PDS5A: variants seen among roughly 807,000 people sequenced by gnomAD.
PDS5A encodes the protein PDS5 cohesin associated factor A.
A neutral mutation model predicts 167.1 loss-of-function variants in PDS5A; 42 were observed. The ratio of observed to expected loss-of-function variants is 0.25; its 90% confidence interval spans 0.20 to 0.33. The LOEUF is 0.33. Among genes scored for constraint, PDS5A ranks in the 10% least tolerant of loss-of-function variants. The pLI is 1.00. For missense variants in PDS5A, 1,033 were observed against 1,605.9 expected (o/e 0.64, Z 6.10); for synonymous variants, 553 against 554.6 (o/e 1.00, Z 0.04).
At chr4:39,906,371 C>CAA (rs1264103030) in intron 11 of PDS5A, among the ~76,000 whole-genome samples, 1 of 133,926 alleles carries the variant, frequency 7.5e-6, no homozygotes. Context: ...CTGTCTCAAA[C>CAA]AAAAAAAAAA....
chr4:39,928,006 A>G lies in PDS5A; in HGVS notation c.297T>C (p.Arg99=), dbSNP rs765380803. The change falls in exon 3 of 33, where the codon CGT becomes CGC. Residue 99 remains arginine (R), a synonymous_variant. Transcript: ENST00000303538. ...LVACCLADIF[R]IYAPEAPYTS... ...TATATGGAGCTTCTGGGGCATAGAT[A>G]CGAAAGATATCAGCCAAACAACATG... 2.0e-5 allele frequency: 33 copies of G among 1,613,814 alleles called. No individual in the cohort carries two copies. The highest frequency in any genetic ancestry group is 1.2e-4 in the South Asian group (11 of 91,090).
chr4:39,851,206 G>C (rs1407277900), intron 26 of PDS5A, among the ~76,000 whole-genome samples: 1 of 151,850 alleles, frequency 6.6e-6, no homozygotes, highest in African/African-American at 2.4e-5. Flanking sequence ...CTATCTACTA[G>C]GCATTAGGCT....
Position 39,926,758 on chromosome 4 carries a change from A to G in PDS5A, c.429+17T>C. On this transcript the variant is annotated intron_variant, in intron 4 of 32. Transcript: ENST00000303538. Reference sequence around the variant, plus strand: ...GTGAAATAATGTTAATAGTTATTAAAGTTTTTTTTTTTTTACCTCTAATAA... The same window carrying G: ...GTGAAATAATGTTAATAGTTATTAAGGTTTTTTTTTTTTTACCTCTAATAA... 2 of 1,230,948 alleles carry G rather than the reference A, an allele frequency of 1.6e-6. No individual in the cohort carries two copies. The highest frequency in any genetic ancestry group is 2.2e-4 in the Middle Eastern group (1 of 4,586). The allele number at this position is 1,230,948 out of a possible 1,614,324, so 76.3% of individuals were successfully genotyped here.
chr4:39,857,276 C>A (rs906996570), intron 26 of PDS5A, among the ~76,000 whole-genome samples: 1 of 149,958 alleles, frequency 6.7e-6, no homozygotes, highest in Non-Finnish European at 1.5e-5. Context: ...GGCGTGAACC[C>A]GGGAGGCGGA....
rs753167965 is a variant in PDS5A at position 39,849,532 on chromosome 4, G to A, written c.3207C>T (p.Ser1069=). 3 of 1,606,638 alleles carry A rather than the reference G, an allele frequency of 1.9e-6. No homozygotes were observed. Among genetic ancestry groups the A allele is most frequent in the Non-Finnish European group, 1.7e-6 (2 of 1,175,900 alleles). ...ACACTCATCTTACTTCATTTGTCTT[G>A]GATTCATCTGGAGACTGGGCATCTC... ...LTRDAQSPDE[S]KTNEKLYTVC... Residue 1069 remains serine, a synonymous_variant, in exon 27 of 33, where the codon TCC becomes TCT. Transcript: ENST00000303538.
chr4:39,847,907 T>C (rs986974474), intron 28 of PDS5A: 3 of 152,244 alleles, frequency 2.0e-5, no homozygotes, highest in Non-Finnish European at 2.9e-5. Context: ...CAGCAGGCAG[T>C]GAGTGGCTGG....
At chr4:39,958,673 G>A (rs1027806974) in intron 2 of PDS5A, among the ~76,000 whole-genome samples, 1 of 150,616 alleles carries the variant, frequency 6.6e-6, no homozygotes, top group African/African-American at 2.4e-5. Flanking sequence ...GGAGTGCAGT[G>A]GCACAATCTC....
chr4:39,866,722 C>A, intron 23 of PDS5A, 139 bp downstream of exon 23: 1 of 674,984 alleles, frequency 1.5e-6, no homozygotes, highest in Non-Finnish European at 2.4e-6. Flanking sequence ...GACAGACAAA[C>A]CCTAAATGAG....
chr4:39,971,244 C>T (rs940343920), intron 2 of PDS5A, among the ~76,000 whole-genome samples: 1 of 152,038 alleles, frequency 6.6e-6, no homozygotes, highest in Non-Finnish European at 1.5e-5. Flanking sequence ...CTGCAAGCTC[C>T]GCCTCCTGGG....
At chr4:39,898,326 T>C (rs2109643755) in intron 16 of PDS5A, 63 bp downstream of exon 16, 1 of 1,466,606 alleles carries the variant, frequency 6.8e-7, no homozygotes, top group South Asian at 1.5e-5. Flanking sequence ...AAAACAGGCT[T>C]TAATAAAATA....
chr4:39,887,259 G>C lies in PDS5A; in HGVS notation c.1886+2990C>G, dbSNP rs142046772. Among the ~76,000 whole-genome samples, 5 of 152,142 alleles carry C rather than the reference G, an allele frequency of 3.3e-5. No homozygotes were observed. The East Asian group carries it at 9.7e-4, about 29-fold the overall frequency. ...GTTCAGTGTGGGTGTGTCACATATG[G>C]CCTTTATTATTTTGAGGTATGTTCC... is the stretch of plus-strand genomic sequence containing the variant. On this transcript the variant is annotated intron_variant, in intron 17 of 32. Transcript: ENST00000303538.
Position 39,868,118 on chromosome 4 carries a change from C to T in PDS5A, c.2506-1121G>A, listed in dbSNP as rs138668858. On this transcript the variant is annotated intron_variant, in intron 22 of 32. Coordinates refer to ENST00000303538, the MANE Select transcript of PDS5A (RefSeq NM_001100399.2). ...AAGATGATACAATCTTATTTTAAAT[C>T]CCAAATCTGCCACTTTTCAACTGAG... Among the ~76,000 whole-genome samples the T allele has an allele frequency of 4.6e-3, 702 of 152,220 alleles. 3 individuals are homozygous for T. Among genetic ancestry groups the T allele is most frequent in the Middle Eastern group, 6.8e-3 (2 of 292 alleles).
chr4:39,929,754 A>T lies in PDS5A; in HGVS notation c.139-1590T>A, dbSNP rs560449558. 1.6e-3 allele frequency among the ~76,000 whole-genome samples: 232 copies of T among 147,196 alleles called. 2 individuals are homozygous for T. Among genetic ancestry groups the T allele is most frequent in the African/African-American group, 4.4e-3 (174 of 39,754 alleles). ...ATGAGTGTAAAATTTTATTATTATT[A>T]TTTTTTTTTGAGAAAGGGACTTGCT... On this transcript the variant is annotated intron_variant, in intron 2 of 32. Transcript: ENST00000303538.
chr4:39,874,887 A>G (rs1364045840), intron 19 of PDS5A, among the ~76,000 whole-genome samples: 1 of 152,210 alleles, frequency 6.6e-6, no homozygotes, highest in African/African-American at 2.4e-5. Flanking sequence ...CTACATATAT[A>G]TCAGTAGAAT....
chr4:39,934,537 G>A (rs1001545420), intron 2 of PDS5A, among the ~76,000 whole-genome samples: 1 of 150,546 alleles, frequency 6.6e-6, no homozygotes, highest in Non-Finnish European at 1.5e-5. Context: ...GTAAGTCTGT[G>A]TGAATTTTTT....
chr4:39,963,221 C>A (rs543132616), intron 2 of PDS5A, among the ~76,000 whole-genome samples: 1 of 151,346 alleles, frequency 6.6e-6, no homozygotes, highest in East Asian at 2.0e-4. Flanking sequence ...TTTGGGAGGC[C>A]GAGGCAGTTG....
At chr4:39,851,974 A>G (rs557086492) in intron 26 of PDS5A, among the ~76,000 whole-genome samples, 19 of 152,218 alleles carry the variant, frequency 1.2e-4, no homozygotes, top group Non-Finnish European at 2.6e-4. Flanking sequence ...AGTTGTAACA[A>G]AAAAATCTTG....
In PDS5A at chr4:39,874,301, T is replaced by C; in HGVS notation, c.2265A>G (p.Ala755=). 1 of 1,612,830 alleles carries C rather than the reference T, an allele frequency of 6.2e-7. No homozygotes were observed. Among genetic ancestry groups the C allele is most frequent in the African/African-American group, 1.3e-5 (1 of 75,024 alleles). ...AIFTNKEVQL[A]QIFEPLSRSL... ...ATATTAGATATACCTCAAAAATCTG[T>C]GCAAGCTGGACTTCTTTATTTGTGA... The change falls in exon 20 of 33, where the codon GCA becomes GCG. Residue 755 remains alanine (A), a synonymous_variant. Coordinates refer to ENST00000303538, the MANE Select transcript of PDS5A (RefSeq NM_001100399.2).
chr4:39,926,946 T>A, intron 3 of PDS5A, 85 bp from the exon 4 acceptor site: 1 of 1,106,822 alleles, frequency 9.0e-7, no homozygotes, highest in South Asian at 2.9e-5. Context: ...ATTATTTGTG[T>A]ACAAACTACA....
Sources: allele counts gnomAD v4.1 joint callset (sites outside exome capture counted in the v4.1 genomes callset), GRCh38; gene constraint gnomAD v4.1.1; transcripts MANE v1.5; gene names NCBI Gene and HGNC (gene_info 2026-07-23, HGNC 2026-07-21).